Variants in LRRC51 observed in about 807,000 individuals in gnomAD.
LRRC51 encodes the protein leucine rich repeat containing 51.
LRRC51 carries 8 observed loss-of-function variants against 17.8 expected under a neutral mutation model. That is an observed-to-expected ratio of 0.45 (90% CI 0.26 to 0.81). The LOEUF (loss-of-function observed/expected upper bound fraction) is 0.81. Among genes scored for constraint, LRRC51 ranks in the 30% least tolerant of loss-of-function variants. The pLI, the probability that LRRC51 is intolerant of heterozygous loss-of-function variation, is 0.17. For missense variants in LRRC51, 233 were observed against 239.3 expected, an observed-to-expected ratio of 0.97 and a Z score of 0.17; for synonymous variants, 92 against 96.0, an observed-to-expected ratio of 0.96 and a Z score of 0.24.
At position 72,095,905 on chromosome 11, in the gene LRRC51, C is replaced by T. The variant is rs960780990; in HGVS notation, c.*385C>T. The T allele has an allele frequency of 3.1e-5, 10 of 322,204 alleles. No individual in the cohort carries two copies. The highest frequency in any genetic ancestry group is 4.3e-5 in the African/African-American group (2 of 46,204). 20.0% of individuals were successfully genotyped at this position (322,204 alleles called of 1,614,324 possible). A position where few individuals can be genotyped will look rare whatever the true frequency, so the allele number is the denominator to read the frequency against. ...TCACCCCAGCTGGAGTGCAGTGGTG[C>T]GATCTCAGCTCACTGCAACCTCCGC... On this transcript the variant is annotated 3_prime_UTR_variant, in exon 6 of 6. Coordinates refer to ENST00000289488, the MANE Select transcript of LRRC51 (RefSeq NM_145309.6).
chr11:72,095,152 G>A, intron 5 of LRRC51, 56 bp downstream of exon 5: 1 of 1,599,206 alleles, frequency 6.3e-7, no homozygotes, highest in East Asian at 2.2e-5. Flanking sequence ...AAGGAAAGGA[G>A]GAGGAGAAAC....
At chr11:72,081,196 G>A (rs1029879710) in intron 1 of LRRC51, among the ~76,000 whole-genome samples, 10 of 152,204 alleles carry the variant, frequency 6.6e-5, no homozygotes, top group African/African-American at 2.4e-4. Context: ...CAAGGCGGGC[G>A]GACCACTTAA....
In LRRC51 at chr11:72,095,494, G is replaced by T. The variant is rs747487228; in HGVS notation, c.553G>T (p.Ala185Ser). 6.2e-7 allele frequency: 1 copy of T among 1,613,986 alleles called. No individual in the cohort carries two copies. The highest frequency in any genetic ancestry group is 8.5e-7 in the Non-Finnish European group (1 of 1,179,988). ...WKRMNIKPKK[A>S]WTKQNTL is the part of the protein sequence containing the mutation. ...ACGCATGAACATCAAGCCCAAGAAGGCCTGGACCAAGCAGAATACACTTTG... is the reference window on the plus strand; with the variant it reads ...ACGCATGAACATCAAGCCCAAGAAGTCCTGGACCAAGCAGAATACACTTTG... The change falls in exon 6 of 6, where the codon GCC becomes TCC. Residue 185 changes from alanine to serine, a missense_variant. By Grantham distance (99) the Ala-to-Ser change is moderately conservative (BLOSUM62 1). Coordinates refer to ENST00000289488, the MANE Select transcript of LRRC51 (RefSeq NM_145309.6).
intron 1 of LRRC51, among the ~76,000 whole-genome samples, chr11:72,082,716 T>C (rs1420321796): frequency 6.6e-6 from 1 of 152,220 alleles, no homozygotes; most frequent in East Asian, 1.9e-4. Flanking sequence ...CTAAGTCTTA[T>C]CAGCTTTACT....
In LRRC51 at chr11:72,096,604, G is replaced by A. The variant is rs1403458066; in HGVS notation, c.*1084G>A. ...AAAGGCCTGCTGGCCTGGGACACTG[G>A]AGACGTGGGTTTACCACACAGCCTT... On this transcript the variant is annotated 3_prime_UTR_variant, in exon 6 of 6. Transcript: ENST00000289488. 9.5e-6 allele frequency: 14 copies of A among 1,475,346 alleles called. No individual in the cohort carries two copies. Among genetic ancestry groups the A allele is most frequent in the African/African-American group, 1.4e-5 (1 of 70,092 alleles). 91.4% of individuals were successfully genotyped at this position (1,475,346 alleles called of 1,614,324 possible). A position where few individuals can be genotyped will look rare whatever the true frequency, so the allele number is the denominator to read the frequency against.
Position 72,088,358 on chromosome 11 carries a change from G to A in LRRC51, c.-78G>A. ...CCCACAGGAATGAATGCCTAATGGT[G>A]GAGTTTCAGCCATCAGTGACAGGTG... On this transcript the variant is annotated 5_prime_UTR_variant, in exon 2 of 6. Coordinates refer to ENST00000289488, the MANE Select transcript of LRRC51 (RefSeq NM_145309.6). The A allele has an allele frequency of 2.8e-6, 2 of 702,618 alleles. No homozygotes were observed. The highest frequency in any genetic ancestry group is 5.2e-6 in the Non-Finnish European group (2 of 384,988). 43.5% of individuals were successfully genotyped at this position (702,618 alleles called of 1,614,324 possible).
chr11:72,090,161 C>G (rs1172620313), intron 3 of LRRC51, among the ~76,000 whole-genome samples: 1 of 152,220 alleles, frequency 6.6e-6, no homozygotes, highest in Non-Finnish European at 1.5e-5. Context: ...CACGAGCACA[C>G]AGCCACCTGC....
intron 3 of LRRC51, among the ~76,000 whole-genome samples, chr11:72,090,332 G>A (rs964709500): frequency 6.6e-6 from 1 of 152,186 alleles, no homozygotes; most frequent in African/African-American, 2.4e-5. Flanking sequence ...GATGGAGGAG[G>A]TGTAGCTCTG....
intron 1 of LRRC51, among the ~76,000 whole-genome samples, chr11:72,083,512 C>A (rs1055366477): frequency 6.6e-6 from 1 of 152,086 alleles, no homozygotes; most frequent in Admixed American, 6.6e-5. Context: ...TATTTAGTTG[C>A]AATTTTTAAT....
chr11:72,095,354 C>A, intron 5 of LRRC51, 25 bp from the exon 6 acceptor site: 15 of 1,613,250 alleles, frequency 9.3e-6, no homozygotes, highest in Non-Finnish European at 1.2e-5. Flanking sequence ...GGGGTGCTGG[C>A]CCCCAGCCTA....
intron 2 of LRRC51, chr11:72,088,806 G>A (rs1944686879): frequency 1.9e-6 from 1 of 540,194 alleles, no homozygotes; most frequent in Admixed American, 3.2e-5. Context: ...CAAAGAAATG[G>A]GTGTTCGATT....
At chr11:72,083,184 T>C (rs746718439) in intron 1 of LRRC51, among the ~76,000 whole-genome samples, 4 of 152,150 alleles carry the variant, frequency 2.6e-5, no homozygotes, top group Non-Finnish European at 4.4e-5. Flanking sequence ...TTAATATTAA[T>C]ACTATGTGGT....
At chr11:72,084,020 A>G (rs1190138321) in intron 1 of LRRC51, among the ~76,000 whole-genome samples, 1 of 152,172 alleles carries the variant, frequency 6.6e-6, no homozygotes, top group African/African-American at 2.4e-5. Flanking sequence ...TTCTTTTGAC[A>G]GGGTCTCGCT....
At chr11:72,086,427 G>A (rs1944535402) in intron 1 of LRRC51, 1 of 702,142 alleles carries the variant, frequency 1.4e-6, no homozygotes, top group African/African-American at 1.7e-5. Context: ...AACAAGGTGT[G>A]GACTGAAACA....
intron 1 of LRRC51, chr11:72,085,693 T>C (rs568198310): frequency 1.3e-5 from 2 of 152,414 alleles, no homozygotes; most frequent in South Asian, 2.1e-4. Flanking sequence ...CAAAACACAG[T>C]GGCTTAAGAT....
chr11:72,086,214 TGA>T (rs1944523791), intron 1 of LRRC51: 5 of 586,310 alleles, frequency 8.5e-6, no homozygotes, highest in Admixed American at 3.1e-5. Context: ...TGTTGAAACA[TGA>T]GAGAGTATTC....
Position 72,089,177 on chromosome 11 carries a change from G to A in LRRC51, c.82+12G>A. ...CCACGTCATTCAAGGTCAGCCCCCAGAGCACAGTACTCCACTCACTAAGGC... is the reference window on the plus strand; with the variant it reads ...CCACGTCATTCAAGGTCAGCCCCCAAAGCACAGTACTCCACTCACTAAGGC... On this transcript the variant is annotated intron_variant, in intron 3 of 5. Transcript: ENST00000289488. 1 of 1,614,124 alleles carries A rather than the reference G, an allele frequency of 6.2e-7. No homozygotes were observed. Among genetic ancestry groups the A allele is most frequent in the Non-Finnish European group, 8.5e-7 (1 of 1,180,000 alleles).
At chr11:72,090,864 AT>A (rs1856289507) in intron 3 of LRRC51, among the ~76,000 whole-genome samples, 2 of 152,228 alleles carry the variant, frequency 1.3e-5, no homozygotes, top group African/African-American at 4.8e-5. Flanking sequence ...ACTAACTTGT[AT>A]TCTGACACAT....
Position 72,095,448 on chromosome 11 carries a change from C to T in LRRC51, c.507C>T (p.Arg169=). The T allele has an allele frequency of 1.2e-6, 2 of 1,614,076 alleles. No individual in the cohort carries two copies. The highest frequency in any genetic ancestry group is 1.7e-6 in the Non-Finnish European group (2 of 1,180,010). The change falls in exon 6 of 6, where the codon CGC becomes CGT. Residue 169 remains arginine, a synonymous_variant. Transcript: ENST00000289488. ...TCAGTGGGGTCACCAAAGCAGACCG[C>T]ACCACAGCTGAAGTCTGGAAACGCA... ...FDFSGVTKAD[R]TTAEVWKRMN... is the part of the protein sequence containing the mutation.
Sources: gnomAD v4.1 joint callset for allele counts (sites outside exome capture counted in the v4.1 genomes callset) on GRCh38, gnomAD v4.1.1 for gene constraint, MANE v1.5 for transcripts, NCBI Gene and HGNC (gene_info 2026-07-23, HGNC 2026-07-21) for gene names.